SH3D19: variants seen among roughly 807,000 people sequenced by gnomAD.
SH3D19 encodes the protein SH3 domain containing 19, also known as SH3 domain-containing protein 19.
Under a neutral mutation model 112.1 loss-of-function variants are expected in SH3D19, and 58 were observed. That is an observed-to-expected ratio of 0.52 (90% confidence interval 0.42 to 0.64). The LOEUF is 0.64. SH3D19 is among the 30% of genes least tolerant of loss of function. The pLI, the probability that SH3D19 is intolerant of heterozygous loss-of-function variation, is 0.00. For missense variants in SH3D19, 1,090 were observed against 1,263.4 expected (o/e 0.86, Z 2.08); for synonymous variants, 391 against 448.5 (o/e 0.87, Z 1.62).
intron 1 of SH3D19, among the ~76,000 whole-genome samples, chr4:151,310,452 C>T (rs780063384): frequency 2.0e-5 from 3 of 152,016 alleles, no homozygotes; most frequent in South Asian, 4.1e-4. Context: ...TGTTGTTGAT[C>T]GGTGCACTGG....
intron 7 of SH3D19, among the ~76,000 whole-genome samples, chr4:151,167,503 AAAAC>A (rs540880884): frequency 2.0e-4 from 31 of 152,194 alleles, no homozygotes; most frequent in African/African-American, 6.5e-4. Flanking sequence ...AATATTTTGA[AAAAC>A]AAACCCAGGA....
chr4:151,196,557 T>A (rs933255257), intron 2 of SH3D19, among the ~76,000 whole-genome samples: 1 of 151,902 alleles, frequency 6.6e-6, no homozygotes, highest in Admixed American at 6.6e-5. Context: ...CTGCTATTTA[T>A]AGTATTAGTT....
At chr4:151,217,204 G>C (rs539384155) in intron 2 of SH3D19, among the ~76,000 whole-genome samples, 2 of 152,166 alleles carry the variant, frequency 1.3e-5, no homozygotes, top group South Asian at 4.2e-4. Context: ...GCAGAGCATG[G>C]TATTTTGATA....
At chr4:151,206,001 G>C (rs371127326) in intron 2 of SH3D19, among the ~76,000 whole-genome samples, 2 of 151,500 alleles carry the variant, frequency 1.3e-5, no homozygotes, top group East Asian at 4.0e-4. Context: ...TGACTGTTGA[G>C]AGGAAAACAC....
rs1156402154 is a variant in SH3D19 at position 151,212,453 on chromosome 4, G to T, written c.152+13594C>A. On this transcript the variant is annotated intron_variant, in intron 2 of 19. Coordinates refer to ENST00000604030, the MANE Select transcript of SH3D19 (RefSeq NM_001378122.1). ...AGGGGCACCTGGCCTCATTTACCATGTTGAAACTCCTAGGGCCCTTAAGAA... is the reference window on the plus strand; with the variant it reads ...AGGGGCACCTGGCCTCATTTACCATTTTGAAACTCCTAGGGCCCTTAAGAA... Among the ~76,000 whole-genome samples, 3 of 152,166 alleles carry T rather than the reference G, an allele frequency of 2.0e-5. No individual in the cohort carries two copies. In the East Asian group the frequency reaches 5.8e-4, roughly 29 times the overall value.
At chr4:151,254,124 C>G (rs1478300511) in intron 1 of SH3D19, among the ~76,000 whole-genome samples, 1 of 152,170 alleles carries the variant, frequency 6.6e-6, no homozygotes, top group Non-Finnish European at 1.5e-5. Context: ...ATGCGTTACC[C>G]TCTGTGTGAA....
Position 151,122,056 on chromosome 4 carries a change from G to T in SH3D19, c.*35C>A, listed in dbSNP as rs1748045660. 9.3e-7 allele frequency: 1 copy of T among 1,077,162 alleles called. No individual in the cohort carries two copies. The allele number at this position is 1,077,162 out of a possible 1,614,324, so 66.7% of individuals were successfully genotyped here. Reference sequence around the variant, plus strand: ...ATAGTCAAGGTGATAGTTCAAGTGAGTTCTTGTGCCAAGGAACACAGACAA... The same window carrying T: ...ATAGTCAAGGTGATAGTTCAAGTGATTTCTTGTGCCAAGGAACACAGACAA... On this transcript the variant is annotated 3_prime_UTR_variant, in exon 20 of 20. Transcript: ENST00000604030.
chr4:151,278,669 C>T (rs546143617), intron 1 of SH3D19, among the ~76,000 whole-genome samples: 10 of 152,182 alleles, frequency 6.6e-5, no homozygotes, highest in South Asian at 2.1e-4. Flanking sequence ...CTCACTCTCT[C>T]GCCCAGGCTG....
intron 1 of SH3D19, among the ~76,000 whole-genome samples, chr4:151,285,744 G>A (rs3990734): frequency 0.36 from 54,786 of 151,784 alleles, 10,888 homozygotes; most frequent in Middle Eastern, 0.45. Flanking sequence ...GCACAAGCCT[G>A]TAGTCCCAGC....
intron 1 of SH3D19, chr4:151,280,082 T>C (rs181478908): frequency 6.2e-4 from 719 of 1,163,368 alleles, no homozygotes; most frequent in Non-Finnish European, 7.8e-4. Flanking sequence ...ACCCAGGTCA[T>C]GTCAGACTAT....
intron 2 of SH3D19, among the ~76,000 whole-genome samples, chr4:151,194,960 A>T (rs1228347974): frequency 1.3e-5 from 2 of 151,534 alleles, no homozygotes. Context: ...CTGTAATCCC[A>T]GCTACCCGGT....
At chr4:151,184,914 G>A (rs891212071) in intron 3 of SH3D19, among the ~76,000 whole-genome samples, 4 of 151,906 alleles carry the variant, frequency 2.6e-5, no homozygotes, top group Non-Finnish European at 5.9e-5. Flanking sequence ...GACCTCCTAA[G>A]TGCCAGACAC....
At chr4:151,143,788 T>C (rs1169415428) in intron 12 of SH3D19, 122 bp downstream of exon 12, 3 of 1,139,536 alleles carry the variant, frequency 2.6e-6, no homozygotes, top group Non-Finnish European at 3.7e-6. Flanking sequence ...AATGCTACTG[T>C]AATTTTTACT....
At chr4:151,319,184 G>T (rs971146768) in intron 1 of SH3D19, among the ~76,000 whole-genome samples, 1 of 152,170 alleles carries the variant, frequency 6.6e-6, no homozygotes, top group Non-Finnish European at 1.5e-5. Context: ...GAGTAGCTGG[G>T]ATTACAGGTG....
chr4:151,279,350 T>TA (rs960311077), intron 1 of SH3D19, among the ~76,000 whole-genome samples: 11 of 151,034 alleles, frequency 7.3e-5, no homozygotes, highest in African/African-American at 1.2e-4. Context: ...ATCCCTGGTT[T>TA]AAAAAAAAAA....
chr4:151,230,913 A>C (rs1769557658), intron 1 of SH3D19, among the ~76,000 whole-genome samples: 1 of 152,126 alleles, frequency 6.6e-6, no homozygotes, highest in African/African-American at 2.4e-5. Flanking sequence ...TTGGCATACC[A>C]AAATCTCTTT....
chr4:151,259,474 C>CA (rs1436916358), intron 1 of SH3D19: 1 of 152,268 alleles, frequency 6.6e-6, no homozygotes, highest in African/African-American at 2.4e-5. Context: ...CCTTTGTTGG[C>CA]AGTCTGTGGG....
At chr4:151,214,294 C>T (rs1375206601) in intron 2 of SH3D19, among the ~76,000 whole-genome samples, 2 of 151,414 alleles carry the variant, frequency 1.3e-5, no homozygotes, top group Non-Finnish European at 3.0e-5. Flanking sequence ...GGCAACCATC[C>T]GATTTCTCAA....
At chr4:151,217,627 A>G (rs773665492) in intron 2 of SH3D19, among the ~76,000 whole-genome samples, 17 of 152,188 alleles carry the variant, frequency 1.1e-4, no homozygotes, top group Non-Finnish European at 1.6e-4. Context: ...TAAAATTTAA[A>G]AACTTAAAAG....
Sources: gnomAD v4.1 joint callset for allele counts (sites outside exome capture counted in the v4.1 genomes callset) on GRCh38, gnomAD v4.1.1 for gene constraint, MANE v1.5 for transcripts, NCBI Gene and HGNC (gene_info 2026-07-23, HGNC 2026-07-21) for gene names.